GABRP: variants seen among roughly 807,000 people sequenced by gnomAD.
GABRP encodes gamma-aminobutyric acid receptor subunit pi.
GABRP carries 52 observed loss-of-function variants against 47.8 expected under a neutral mutation model. That is an observed-to-expected ratio of 1.09 (90% confidence interval 0.87 to 1.37). The LOEUF (loss-of-function observed/expected upper bound fraction) is 1.37. Among genes scored for constraint, GABRP ranks in the 40% most tolerant of loss-of-function variants. GABRP has a pLI of 0.00. For synonymous variants in GABRP, 221 were observed against 205.8 expected, an observed-to-expected ratio of 1.07 and a Z score of -0.63; for missense variants, 525 against 542.8, an observed-to-expected ratio of 0.97 and a Z score of 0.33.
intron 9 of GABRP, 126 bp downstream of exon 9, chr5:170,809,881 T>C: frequency 3.3e-6 from 3 of 908,548 alleles, no homozygotes; most frequent in Non-Finnish European, 5.3e-6. Context: ...CAGTGAGTCT[T>C]ATCCTTGTTC....
chr5:170,806,926 TTTAC>T (rs1765752611), intron 7 of GABRP, among the ~76,000 whole-genome samples: 1 of 152,074 alleles, frequency 6.6e-6, no homozygotes, highest in Admixed American at 6.5e-5. Context: ...CTTTTATCTA[TTTAC>T]TTATTATTTT....
chr5:170,810,184 A>G (rs1386753117), intron 9 of GABRP: 1 of 446,608 alleles, frequency 2.2e-6, no homozygotes, highest in Non-Finnish European at 3.9e-6. Flanking sequence ...GAAATATTAG[A>G]TTGTGACAAA....
intron 6 of GABRP, among the ~76,000 whole-genome samples, chr5:170,800,708 G>A (rs909232845): frequency 2.0e-5 from 3 of 152,204 alleles, no homozygotes; most frequent in Non-Finnish European, 4.4e-5. Flanking sequence ...CACTTTGGGA[G>A]GCCAAGGTGG....
At chr5:170,786,038 A>T (rs1561805165) in intron 1 of GABRP, among the ~76,000 whole-genome samples, 1 of 152,088 alleles carries the variant, frequency 6.6e-6, no homozygotes, top group African/African-American at 2.4e-5. Flanking sequence ...CTCTGCTCCT[A>T]TTAGAGGATG....
intron 9 of GABRP, 69 bp downstream of exon 9, chr5:170,809,824 G>A: frequency 2.0e-6 from 3 of 1,470,340 alleles, no homozygotes; most frequent in Non-Finnish European, 2.8e-6. Flanking sequence ...GACATGGGCT[G>A]GACCTGGCTT....
intron 6 of GABRP, 35 bp from the exon 7 acceptor site, chr5:170,805,681 C>G (rs200102540): frequency 6.2e-7 from 1 of 1,612,640 alleles, no homozygotes; most frequent in African/African-American, 1.3e-5. Context: ...TCTGGAACAC[C>G]CTTGCACTGA....
intron 6 of GABRP, among the ~76,000 whole-genome samples, chr5:170,799,233 A>G (rs1765522439): frequency 6.6e-6 from 1 of 152,222 alleles, no homozygotes; most frequent in African/African-American, 2.4e-5. Context: ...TAATGCCGCA[A>G]TAAATATACA....
Position 170,797,526 on chromosome 5 carries a change from A to G in GABRP, c.519A>G (p.Thr173=), listed in dbSNP as rs975061. Reference sequence around the variant, plus strand: ...CTAAATACCCCATGGACACACAGACATGCAAGTTGCAGCTGGAAAGCTGTA... The same window carrying G: ...CTAAATACCCCATGGACACACAGACGTGCAAGTTGCAGCTGGAAAGCTGTA... The part of the protein sequence containing the change: ...DLSKYPMDTQ[T]CKLQLESWGY... Residue 173 remains threonine, a synonymous_variant, in exon 6 of 10, where the codon ACA becomes ACG. Transcript: ENST00000265294. 34 of 1,611,504 alleles carry G rather than the reference A, an allele frequency of 2.1e-5. 1 individual carries two copies. The East Asian group carries it at 7.4e-4, about 35-fold the overall frequency.
rs117401062 is a variant in GABRP at position 170,802,883 on chromosome 5, A to G, written c.542-2833A>G. 1.7e-3 allele frequency among the ~76,000 whole-genome samples: 262 copies of G among 152,238 alleles called. 4 individuals are homozygous for G. The East Asian group carries it at 0.044, about 26-fold the overall frequency. On this transcript the variant is annotated intron_variant, in intron 6 of 9. Transcript: ENST00000265294. ...GAGCTTTCTCTGAATGTTTATTAGCAGTGTTTGGGTACAGAAACCTCACTA... is the reference window on the plus strand; with the variant it reads ...GAGCTTTCTCTGAATGTTTATTAGCGGTGTTTGGGTACAGAAACCTCACTA...
chr5:170,794,438 G>A, intron 4 of GABRP, 140 bp downstream of exon 4: 1 of 468,918 alleles, frequency 2.1e-6, no homozygotes, highest in Non-Finnish European at 3.8e-6. Context: ...GGCAGAAGCT[G>A]GAGTGCTATC....
intron 1 of GABRP, 53 bp from the exon 2 acceptor site, chr5:170,788,521 A>G (rs1581587550): frequency 8.3e-7 from 1 of 1,204,712 alleles, no homozygotes. Flanking sequence ...GCTGGCCAGG[A>G]GCAGGTGAGC....
chr5:170,809,321 C>T (rs1765820472), intron 8 of GABRP, among the ~76,000 whole-genome samples: 3 of 152,138 alleles, frequency 2.0e-5, no homozygotes, highest in South Asian at 4.2e-4. Context: ...AGTTCTTTTG[C>T]ATATTTATCA....
intron 1 of GABRP, among the ~76,000 whole-genome samples, chr5:170,785,944 A>C (rs1314077710): frequency 6.6e-6 from 1 of 152,192 alleles, no homozygotes; most frequent in Admixed American, 6.5e-5. Flanking sequence ...CTCACTCTTC[A>C]AGAATCAAAT....
rs148488196 is a variant in GABRP, at chr5:170,811,963, C to T, written c.1028C>T (p.Thr343Ile). 638 of 1,613,212 alleles carry T rather than the reference C, an allele frequency of 4.0e-4. 7 individuals are homozygous for T. The African/African-American group carries it at 7.6e-3, about 19-fold the overall frequency. Residue 343 changes from threonine (T) to isoleucine (I), a missense_variant, in exon 10 of 10, where the codon ACA becomes ATA. Coordinates refer to ENST00000265294, the MANE Select transcript of GABRP (RefSeq NM_014211.3). The stretch of plus-strand genomic sequence containing the variant: ...GCATTGTCTATGAACTAGGGGACAA[C>T]AAAGGAAGTAGAAGAAGTCAGTATT... Reference protein sequence around the residue: ...QQMAAKDRGTTKEVEEVSITN... With the variant: ...QQMAAKDRGTIKEVEEVSITN...
Position 170,788,629 on chromosome 5 carries a change from T to G in GABRP, c.14T>G (p.Leu5Arg). 6.2e-7 allele frequency: 1 copy of G among 1,614,128 alleles called. No homozygotes were observed. The highest frequency in any genetic ancestry group is 2.2e-5 in the East Asian group (1 of 44,864). MNYS[L>R]HLAFVCLSLF... ...CAGCTTCTCAACATGAACTACAGCC[T>G]CCACTTGGCCTTCGTGTGTCTGAGT... The change falls in exon 2 of 10, where the codon CTC becomes CGC. Residue 5 changes from leucine (L) to arginine (R), a missense_variant. Coordinates refer to ENST00000265294, the MANE Select transcript of GABRP (RefSeq NM_014211.3).
chr5:170,804,491 G>A (rs1263634937), intron 6 of GABRP, among the ~76,000 whole-genome samples: 1 of 152,090 alleles, frequency 6.6e-6, no homozygotes, highest in East Asian at 1.9e-4. Flanking sequence ...ACTAGCTAAT[G>A]TTCCAGCTTC....
intron 5 of GABRP, among the ~76,000 whole-genome samples, chr5:170,797,164 T>G (rs543552987): frequency 1.2e-4 from 18 of 152,350 alleles, no homozygotes; most frequent in African/African-American, 4.1e-4. Context: ...AGATAAAATT[T>G]AAAAACTGGA....
intron 4 of GABRP, among the ~76,000 whole-genome samples, chr5:170,794,842 A>G (rs1765379062): frequency 6.6e-6 from 1 of 151,798 alleles, no homozygotes; most frequent in Non-Finnish European, 1.5e-5. Flanking sequence ...AAAAAATTCA[A>G]CAATTTGGTG....
intron 6 of GABRP, among the ~76,000 whole-genome samples, chr5:170,804,521 T>C (rs55976336): frequency 0.25 from 37,603 of 152,012 alleles, 4,880 homozygotes; most frequent in African/African-American, 0.3. Context: ...TGGCCTTCGT[T>C]ACTGTCTATC....
Sources: gnomAD v4.1 joint callset for allele counts (sites outside exome capture counted in the v4.1 genomes callset) on GRCh38, gnomAD v4.1.1 for gene constraint, MANE v1.5 for transcripts, NCBI Gene and HGNC (gene_info 2026-07-23, HGNC 2026-07-21) for gene names.